Variants in RAI2 observed in about 807,000 individuals in gnomAD.
The protein encoded by RAI2 is retinoic acid induced 2, also known as retinoic acid-induced protein 2.
RAI2 carries 5 observed loss-of-function variants against 15.3 expected under a neutral mutation model. That is an observed-to-expected ratio of 0.33 (90% confidence interval 0.17 to 0.69). RAI2 has a LOEUF of 0.69. Ranked by LOEUF, RAI2 falls within the 30% of genes least tolerant of loss-of-function variation. The probability of loss-of-function intolerance (pLI) is 0.69; values close to 1 mark genes in which losing one functional copy is unlikely to be tolerated. For missense variants in RAI2, 424 were observed against 424.7 expected (o/e 1.00, Z 0.01); for synonymous variants, 191 against 184.0 (o/e 1.04, Z -0.31).
intron 1 of RAI2, among the ~76,000 whole-genome samples, chrX:17,817,371 C>T (rs1248315553): frequency 8.9e-6 from 1 of 112,056 alleles, no homozygotes; most frequent in Non-Finnish European, 1.9e-5. Flanking sequence ...CTTCCACGTG[C>T]TAGCTTTTCT....
chrX:17,824,814 C>T (rs866712174), intron 1 of RAI2, among the ~76,000 whole-genome samples: 6 of 112,071 alleles, frequency 5.4e-5, no homozygotes, highest in African/African-American at 1.6e-4. Flanking sequence ...AGGCATTACA[C>T]ATTAGAGGGA....
In RAI2 at chrX:17,800,228, A is replaced by G; in HGVS notation, c.*190T>C. 1 of 530,039 alleles carries G rather than the reference A, an allele frequency of 1.9e-6. No homozygotes were observed. The highest frequency in any genetic ancestry group is 2.8e-6 in the Non-Finnish European group (1 of 358,818). The allele number at this position is 530,039 out of a possible 1,213,427, so 43.7% of individuals were successfully genotyped here. On this transcript the variant is annotated 3_prime_UTR_variant, in exon 2 of 2. Transcript: ENST00000451717. ...AAAAATAGGTTGCTCTTATTTACTC[A>G]TTTGTGAAAAGTCAAAAATTAAAAA...
intron 1 of RAI2, among the ~76,000 whole-genome samples, chrX:17,834,399 C>T (rs185060118): frequency 7.3e-5 from 8 of 109,901 alleles, no homozygotes; most frequent in South Asian, 3.9e-4. Context: ...ATGTTTTGGT[C>T]GGACATAATT....
chrX:17,853,330 T>C (rs1341609772), intron 1 of RAI2, among the ~76,000 whole-genome samples: 1 of 112,260 alleles, frequency 8.9e-6, no homozygotes, highest in African/African-American at 3.2e-5. Flanking sequence ...TGCCCATGAA[T>C]TGTATTTATA....
chrX:17,821,227 A>C (rs2067161563), intron 1 of RAI2, among the ~76,000 whole-genome samples: 1 of 112,162 alleles, frequency 8.9e-6, no homozygotes, highest in African/African-American at 3.2e-5. Context: ...TAAAATAATA[A>C]AATAAACGTG....
intron 1 of RAI2, among the ~76,000 whole-genome samples, chrX:17,846,374 G>A (rs1415893372): frequency 1.8e-5 from 2 of 111,702 alleles, no homozygotes; most frequent in Admixed American, 9.4e-5. Context: ...CTAGCAGCAG[G>A]CCACCAGCTA....
intron 1 of RAI2, among the ~76,000 whole-genome samples, chrX:17,807,669 G>A (rs767808894): frequency 8.9e-6 from 1 of 112,018 alleles, no homozygotes; most frequent in Non-Finnish European, 1.9e-5. Context: ...TGCCATGGTG[G>A]GAGAACATGG....
intron 1 of RAI2, among the ~76,000 whole-genome samples, chrX:17,821,417 G>GT (rs2067163378): frequency 9.0e-6 from 1 of 110,957 alleles, no homozygotes; most frequent in Non-Finnish European, 1.9e-5. Flanking sequence ...AGGGAGCAGG[G>GT]TGTGGGGAAG....
chrX:17,841,093 T>C (rs28484776), intron 1 of RAI2, among the ~76,000 whole-genome samples: 1,894 of 111,303 alleles, frequency 0.017, 38 homozygotes, highest in African/African-American at 0.057. Flanking sequence ...TTTTTTTTAT[T>C]ATTTTTTTGC....
chrX:17,854,679 G>C (rs909491146), intron 1 of RAI2, among the ~76,000 whole-genome samples: 1 of 112,442 alleles, frequency 8.9e-6, no homozygotes, highest in Non-Finnish European at 1.9e-5. Context: ...AGCACGGCCC[G>C]ATTCTGCTGC....
chrX:17,858,374 C>T (rs1156704765), intron 1 of RAI2, among the ~76,000 whole-genome samples: 1 of 112,367 alleles, frequency 8.9e-6, no homozygotes, highest in Non-Finnish European at 1.9e-5. Context: ...GCCAACAATA[C>T]ATGTTAGTTC....
In RAI2 at chrX:17,801,538, C is replaced by T; in HGVS notation, c.473G>A (p.Gly158Glu). The T allele has an allele frequency of 1.7e-6, 2 of 1,204,446 alleles. No homozygotes were observed. The highest frequency in any genetic ancestry group is 2.2e-6 in the Non-Finnish European group (2 of 891,592). The change falls in exon 2 of 2, where the codon GGA becomes GAA. Residue 158 changes from glycine to glutamate, a missense_variant. Physicochemically the swap from Gly to Glu is moderately conservative, Grantham distance 98. Coordinates refer to ENST00000451717, the MANE Select transcript of RAI2 (RefSeq NM_021785.6). The stretch of plus-strand genomic sequence containing the variant: ...GGGCTGGGCCTCGGGGTCCTCCGCT[C>T]CCTGGAAGAGGTTGTTGTGGATGGT... ...SSTIHNNLFQ[G>E]AEDPEAQPQL...
At chrX:17,838,140 C>T (rs2067355870) in intron 1 of RAI2, among the ~76,000 whole-genome samples, 1 of 112,282 alleles carries the variant, frequency 8.9e-6, no homozygotes, top group Non-Finnish European at 1.9e-5. Context: ...ACTAATCTAC[C>T]GATACCGAAG....
At position 17,800,494 on chromosome X, in the gene RAI2, T is replaced by C. The variant is rs1250916942; in HGVS notation, c.1517A>G (p.Lys506Arg). 7.4e-6 allele frequency: 9 copies of C among 1,209,848 alleles called. No individual in the cohort carries two copies. The highest frequency in any genetic ancestry group is 1.8e-5 in the African/African-American group (1 of 57,127). The change falls in exon 2 of 2, where the codon AAG becomes AGG. Residue 506 changes from lysine (K) to arginine (R), a missense_variant. By Grantham distance (26) the Lys-to-Arg change is conservative. Transcript: ENST00000451717. Reference protein sequence around the residue: ...KPIKNRSIKLKKVNSQEIHML... With the variant: ...KPIKNRSIKLRKVNSQEIHML... Reference sequence around the variant, plus strand: ...GTGTATTTCCTGGGAGTTCACTTTCTTTAACTTTATGCTCCGGTTTTTGAT... The same window carrying C: ...GTGTATTTCCTGGGAGTTCACTTTCCTTAACTTTATGCTCCGGTTTTTGAT...
chrX:17,851,859 T>C (rs904007710), intron 1 of RAI2, among the ~76,000 whole-genome samples: 1 of 112,408 alleles, frequency 8.9e-6, no homozygotes, highest in Admixed American at 9.4e-5. Context: ...ACAGCTGCAA[T>C]AGGGTTTATT....
chrX:17,831,765 T>A (rs1344913772), intron 1 of RAI2, among the ~76,000 whole-genome samples: 1 of 112,389 alleles, frequency 8.9e-6, no homozygotes, highest in East Asian at 2.8e-4. Flanking sequence ...AGGGATTACA[T>A]CAATAGACCT....
chrX:17,860,956 T>G (rs1465244288), intron 1 of RAI2, 142 bp downstream of exon 1: 2 of 104,143 alleles, frequency 1.9e-5, no homozygotes, highest in African/African-American at 6.8e-5. Flanking sequence ...GGCGCCGTCC[T>G]GCCCCCGGGA....
chrX:17,801,831 G>A lies in RAI2; in HGVS notation c.180C>T (p.Asn60=), dbSNP rs760320306. The change falls in exon 2 of 2, where the codon AAC becomes AAT. Residue 60 remains asparagine, a synonymous_variant. Transcript: ENST00000451717. The stretch of plus-strand genomic sequence containing the variant: ...TGCCACTCTGAGACTCGGCAGGGGG[G>A]TTCAGAATGGATGGGGCTGGCACGG... ...LVTVPAPSIL[N]PPAESQSGMA... 3.2e-5 allele frequency: 39 copies of A among 1,209,384 alleles called. No individual in the cohort carries two copies. Among genetic ancestry groups the A allele is most frequent in the South Asian group, 3.5e-5 (2 of 56,683 alleles).
chrX:17,840,280 C>T (rs2067382327), intron 1 of RAI2, among the ~76,000 whole-genome samples: 1 of 111,270 alleles, frequency 9.0e-6, no homozygotes, highest in Non-Finnish European at 1.9e-5. Flanking sequence ...CATGTGACTT[C>T]GCCTTGTTGA....
Sources: allele counts gnomAD v4.1 joint callset (sites outside exome capture counted in the v4.1 genomes callset), GRCh38; gene constraint gnomAD v4.1.1; transcripts MANE v1.5; gene names NCBI Gene and HGNC (gene_info 2026-07-23, HGNC 2026-07-21).